Variants in INSC observed in about 807,000 individuals in gnomAD.
The protein encoded by INSC is INSC spindle orientation adaptor protein, also known as protein inscuteable homolog.
Under a neutral mutation model 58.6 loss-of-function variants are expected in INSC, and 67 were observed. That is an observed-to-expected ratio of 1.14 (90% CI 0.94 to 1.40). The LOEUF (loss-of-function observed/expected upper bound fraction) is 1.40. Ranked by LOEUF, INSC falls within the 40% of genes most tolerant of loss-of-function variation. INSC has a pLI of 0.00. For synonymous variants in INSC, 262 were observed against 276.1 expected (o/e 0.95, Z 0.51); for missense variants, 714 against 692.0 (o/e 1.03, Z -0.36).
intron 1 of INSC, among the ~76,000 whole-genome samples, chr11:15,136,065 A>T (rs1470485493): frequency 6.6e-6 from 1 of 152,184 alleles, no homozygotes; most frequent in Non-Finnish European, 1.5e-5. Flanking sequence ...ACTTACAGGC[A>T]TAACTTGGAG....
chr11:15,210,397 C>CCTGTTCTGTGGGCTACAGACATGA (rs1278487912), intron 7 of INSC, among the ~76,000 whole-genome samples: 1 of 151,996 alleles, frequency 6.6e-6, no homozygotes, highest in Non-Finnish European at 1.5e-5. Flanking sequence ...TACAGACATG[C>CCTGTTCTGTGGGCTACAGACATGA]CTGTTCTGTG....
intron 6 of INSC, among the ~76,000 whole-genome samples, chr11:15,194,276 A>C (rs928797816): frequency 1.3e-5 from 2 of 152,134 alleles, no homozygotes; most frequent in African/African-American, 4.8e-5. Context: ...ATTGGTAGCA[A>C]AGTTATGTCC....
At chr11:15,120,004 C>G (rs189253954) in intron 1 of INSC, among the ~76,000 whole-genome samples, 16 of 152,304 alleles carry the variant, frequency 1.1e-4, no homozygotes, top group Admixed American at 8.5e-4. Flanking sequence ...GCCTAATTGG[C>G]ACAAGATCTG....
chr11:15,241,514 T>G (rs1266600017), intron 12 of INSC: 3 of 701,186 alleles, frequency 4.3e-6, no homozygotes, highest in Non-Finnish European at 5.2e-6. Flanking sequence ...GTGCTATACA[T>G]TTTATTCAAT....
At chr11:15,173,445 G>A (rs1454441243) in intron 2 of INSC, among the ~76,000 whole-genome samples, 2 of 152,112 alleles carry the variant, frequency 1.3e-5, no homozygotes, top group Non-Finnish European at 2.9e-5. Context: ...TAAGGGAATG[G>A]TAATAAGATG....
intron 7 of INSC, among the ~76,000 whole-genome samples, chr11:15,217,700 G>T (rs1851272547): frequency 6.6e-6 from 1 of 152,066 alleles, no homozygotes; most frequent in Non-Finnish European, 1.5e-5. Flanking sequence ...ATGAAAAGAT[G>T]CTAAACAGGC....
At chr11:15,174,827 G>A (rs1451730441) in intron 2 of INSC, among the ~76,000 whole-genome samples, 2 of 152,048 alleles carry the variant, frequency 1.3e-5, no homozygotes, top group South Asian at 2.1e-4. Flanking sequence ...AAATCTTTTC[G>A]AGAGTGGAGG....
intron 1 of INSC, among the ~76,000 whole-genome samples, chr11:15,141,395 C>G (rs992005383): frequency 3.3e-5 from 5 of 152,184 alleles, no homozygotes; most frequent in Admixed American, 2.6e-4. Flanking sequence ...GGGGCCCGCT[C>G]TACCTGATGC....
chr11:15,267,029 T>A, the INSC span, among the ~76,000 whole-genome samples: 1 of 152,068 alleles, frequency 6.6e-6, no homozygotes, highest in Non-Finnish European at 1.5e-5. Flanking sequence ...ATTGAAGACC[T>A]TTTAAAATTT....
intron 2 of INSC, 84 bp downstream of exon 2, chr11:15,149,314 A>C: frequency 7.6e-7 from 1 of 1,312,992 alleles, no homozygotes; most frequent in Non-Finnish European, 9.9e-7. Flanking sequence ...CTGAGGCTGC[A>C]GGTGACCCCA....
At chr11:15,238,049 G>A (rs1412957785) in intron 10 of INSC, among the ~76,000 whole-genome samples, 1 of 152,120 alleles carries the variant, frequency 6.6e-6, no homozygotes, top group African/African-American at 2.4e-5. Flanking sequence ...GGGCAGTTGG[G>A]CAACAGCTCA....
At chr11:15,177,263 G>T (rs558818763) in intron 4 of INSC, 100 bp downstream of exon 4, 2 of 879,196 alleles carry the variant, frequency 2.3e-6, no homozygotes, top group African/African-American at 1.7e-5. Context: ...AATGGGAGGC[G>T]TGGTGGTGGT....
chr11:15,251,762 G>A (rs532751004), downstream of INSC, among the ~76,000 whole-genome samples: 1 of 151,954 alleles, frequency 6.6e-6, no homozygotes, highest in Non-Finnish European at 1.5e-5. Flanking sequence ...TACAGCTGGT[G>A]GGATGGTAAA....
chr11:15,249,957 G>A (rs1028210670), downstream of INSC, among the ~76,000 whole-genome samples: 1 of 152,214 alleles, frequency 6.6e-6, no homozygotes, highest in Non-Finnish European at 1.5e-5. Context: ...GGAATGGGGG[G>A]TGGCTGATTG....
chr11:15,250,373 G>A (rs1032332934), downstream of INSC, among the ~76,000 whole-genome samples: 3 of 152,194 alleles, frequency 2.0e-5, no homozygotes, highest in Admixed American at 1.3e-4. Flanking sequence ...CATTTGTATG[G>A]AAGTTCTTAG....
chr11:15,121,214 C>A (rs1288119226), intron 1 of INSC, among the ~76,000 whole-genome samples: 1 of 152,124 alleles, frequency 6.6e-6, no homozygotes, highest in African/African-American at 2.4e-5. Flanking sequence ...TATGGCTCCC[C>A]AATCTCCCTC....
At chr11:15,133,704 G>A (rs767687095) in intron 1 of INSC, among the ~76,000 whole-genome samples, 3 of 152,116 alleles carry the variant, frequency 2.0e-5, no homozygotes, top group Non-Finnish European at 4.4e-5. Context: ...GATGTTCTCA[G>A]GAAAAACAAA....
intron 1 of INSC, among the ~76,000 whole-genome samples, chr11:15,132,707 C>G (rs2133707722): frequency 6.6e-6 from 1 of 152,342 alleles, no homozygotes; most frequent in South Asian, 2.1e-4. Context: ...CTGCCTGAAG[C>G]AAATCCTTCA....
intron 2 of INSC, among the ~76,000 whole-genome samples, chr11:15,169,999 C>T (rs1849340076): frequency 6.6e-6 from 1 of 152,162 alleles, no homozygotes. Flanking sequence ...ATGTGTGAAT[C>T]CTCCAGTCCC....
Sources: allele counts gnomAD v4.1 joint callset (sites outside exome capture counted in the v4.1 genomes callset), GRCh38; gene constraint gnomAD v4.1.1; transcripts MANE v1.5; gene names NCBI Gene and HGNC (gene_info 2026-07-23, HGNC 2026-07-21).